NKAIN2: variants seen among roughly 807,000 people sequenced by gnomAD.
NKAIN2 encodes the protein sodium/potassium-transporting ATPase subunit beta-1-interacting protein 2.
Under a neutral mutation model 32.6 loss-of-function variants are expected in NKAIN2, and 14 were observed. The observed-to-expected ratio is 0.43, with a 90% CI of 0.28 to 0.67. NKAIN2 has a LOEUF of 0.67. NKAIN2 is among the 30% of genes least tolerant of loss of function. NKAIN2 has a pLI of 0.17. For synonymous variants in NKAIN2, 80 were observed against 87.2 expected (o/e 0.92, Z 0.46); for missense variants, 198 against 258.3 (o/e 0.77, Z 1.60).
intron 1 of NKAIN2, among the ~76,000 whole-genome samples, chr6:123,942,330 G>A (rs1776862643): frequency 6.6e-6 from 1 of 150,948 alleles, no homozygotes. Context: ...AAATAAAAGA[G>A]TTAAAGAGTT....
chr6:123,860,557 CATGCCA>C (rs1320661118), intron 1 of NKAIN2, among the ~76,000 whole-genome samples: 1 of 152,060 alleles, frequency 6.6e-6, no homozygotes, highest in Admixed American at 6.5e-5. Flanking sequence ...ACTAAAGGCA[CATGCCA>C]CCATACCCAG....
At chr6:124,495,758 CCTGACTGTCAG>C (rs1778038906) in intron 3 of NKAIN2, among the ~76,000 whole-genome samples, 1 of 152,148 alleles carries the variant, frequency 6.6e-6, no homozygotes, top group Non-Finnish European at 1.5e-5. Flanking sequence ...GACCTTCAAA[CCTGACTGTCAG>C]CTTCAGCATT....
At chr6:124,189,958 A>G (rs565183659) in intron 1 of NKAIN2, among the ~76,000 whole-genome samples, 1 of 152,220 alleles carries the variant, frequency 6.6e-6, no homozygotes, top group Non-Finnish European at 1.5e-5. Context: ...TATTCCTTTT[A>G]GTGAAAACAA....
rs925999345 is a variant in NKAIN2, at chr6:124,008,274, T to C, written c.54+204020T>C. The stretch of plus-strand genomic sequence containing the variant: ...TGCCAGGGAAAAATATATTTACATA[T>C]GTTAGTTTTTATTTTCCTAGCAACG... On this transcript the variant is annotated intron_variant, in intron 1 of 6. Transcript: ENST00000368417. 3.3e-5 allele frequency among the ~76,000 whole-genome samples: 5 copies of C among 152,332 alleles called. 1 individual carries two copies. The highest frequency in any genetic ancestry group is 2.0e-4 in the Admixed American group (3 of 15,294).
intron 4 of NKAIN2, among the ~76,000 whole-genome samples, chr6:124,751,254 G>A (rs1777704640): frequency 1.3e-5 from 2 of 152,044 alleles, no homozygotes; most frequent in African/African-American, 4.8e-5. Flanking sequence ...TGGTCTCTGG[G>A]TCCTTAAGAA....
At chr6:124,377,199 C>T (rs1482095476) in intron 3 of NKAIN2, among the ~76,000 whole-genome samples, 2 of 152,206 alleles carry the variant, frequency 1.3e-5, no homozygotes, top group African/African-American at 2.4e-5. Flanking sequence ...CAATATTCTA[C>T]AAATCTTCAG....
At chr6:124,299,704 A>G (rs914339270) in intron 2 of NKAIN2, among the ~76,000 whole-genome samples, 30 of 152,096 alleles carry the variant, frequency 2.0e-4, no homozygotes, top group African/African-American at 7.2e-4. Flanking sequence ...TTCTAGTTCT[A>G]CTTCTGTTTT....
intron 3 of NKAIN2, among the ~76,000 whole-genome samples, chr6:124,516,284 C>T (rs1778910838): frequency 6.6e-6 from 1 of 152,016 alleles, no homozygotes; most frequent in Admixed American, 6.6e-5. Flanking sequence ...GGCAACATTT[C>T]CATCGAAACT....
chr6:124,728,013 C>T (rs559933206), intron 4 of NKAIN2, among the ~76,000 whole-genome samples: 231 of 147,110 alleles, frequency 1.6e-3, no homozygotes, highest in African/African-American at 5.6e-3. Flanking sequence ...GCTAACTATC[C>T]TAAATATATA....
At chr6:124,186,304 ATGG>A (rs1173711148) in intron 1 of NKAIN2, among the ~76,000 whole-genome samples, 1 of 152,056 alleles carries the variant, frequency 6.6e-6, no homozygotes, top group Non-Finnish European at 1.5e-5. Context: ...ATAGCTGGGC[ATGG>A]TGGTGTATGC....
chr6:124,390,858 A>G (rs1327592846), intron 3 of NKAIN2: 2 of 152,026 alleles, frequency 1.3e-5, no homozygotes, highest in Non-Finnish European at 2.9e-5. Context: ...CCCTGCATCT[A>G]TTCCTGTAGA....
At chr6:124,395,619 G>A (rs941229610) in intron 3 of NKAIN2, among the ~76,000 whole-genome samples, 3 of 152,150 alleles carry the variant, frequency 2.0e-5, no homozygotes, top group Admixed American at 6.5e-5. Context: ...TAGCATGTGA[G>A]TTAGAGGAAT....
At chr6:124,606,757 A>C (rs1276311668) in intron 3 of NKAIN2, among the ~76,000 whole-genome samples, 7 of 152,152 alleles carry the variant, frequency 4.6e-5, no homozygotes, top group Admixed American at 2.0e-4. Flanking sequence ...TAGCATCTAT[A>C]CTGATGCATC....
chr6:123,926,730 G>C (rs1157011457), intron 1 of NKAIN2, among the ~76,000 whole-genome samples: 2 of 152,148 alleles, frequency 1.3e-5, no homozygotes, highest in Non-Finnish European at 2.9e-5. Flanking sequence ...TCTGCTAAGA[G>C]CTCTCCTTAC....
At chr6:124,631,415 T>C (rs934361902) in intron 3 of NKAIN2, among the ~76,000 whole-genome samples, 2 of 152,208 alleles carry the variant, frequency 1.3e-5, no homozygotes, top group African/African-American at 4.8e-5. Context: ...TCTATTTAAG[T>C]GGTACTGAAT....
chr6:124,153,926 A>G (rs1383464141), intron 1 of NKAIN2, among the ~76,000 whole-genome samples: 2 of 96,976 alleles, frequency 2.1e-5, no homozygotes, highest in African/African-American at 6.1e-5. Context: ...TTCATATGTT[A>G]TCTATTCCTT....
At chr6:124,014,403 T>C (rs568736005) in intron 1 of NKAIN2, among the ~76,000 whole-genome samples, 182 of 152,240 alleles carry the variant, frequency 1.2e-3, no homozygotes, top group Middle Eastern at 6.8e-3. Flanking sequence ...TATGTCAATA[T>C]ATATATTTCT....
chr6:124,553,362 C>A lies in NKAIN2; in HGVS notation c.274-104824C>A, dbSNP rs184829355. Among the ~76,000 whole-genome samples, 90 of 152,286 alleles carry A rather than the reference C, an allele frequency of 5.9e-4. 1 individual carries two copies. Among genetic ancestry groups the A allele is most frequent in the African/African-American group, 2.1e-3 (87 of 41,568 alleles). The stretch of plus-strand genomic sequence containing the variant: ...CGCTCTTGTTGCTCAGGCTGGAGTG[C>A]AATGGCACAATCTCAGCTCACTGCA... On this transcript the variant is annotated intron_variant, in intron 3 of 6. Coordinates refer to ENST00000368417, the MANE Select transcript of NKAIN2 (RefSeq NM_001040214.3).
chr6:124,025,459 G>GA (rs5879714), intron 1 of NKAIN2, among the ~76,000 whole-genome samples: 25 of 149,328 alleles, frequency 1.7e-4, no homozygotes, highest in East Asian at 4.0e-4. Context: ...GAATGGAAAG[G>GA]AAAAAAAAAA....
Sources: gnomAD v4.1 joint callset for allele counts (sites outside exome capture counted in the v4.1 genomes callset) on GRCh38, gnomAD v4.1.1 for gene constraint, MANE v1.5 for transcripts, NCBI Gene and HGNC (gene_info 2026-07-23, HGNC 2026-07-21) for gene names.